Variants in POMT1 observed in about 807,000 individuals in gnomAD.
POMT1 encodes the protein protein O-mannosyl-transferase 1.
Under a neutral mutation model 101.6 loss-of-function variants are expected in POMT1, and 85 were observed. The observed-to-expected ratio is 0.84, with a 90% CI of 0.70 to 1.00. The LOEUF (loss-of-function observed/expected upper bound fraction) is 1.00, where lower values mean the gene tolerates loss of function less well. Among genes scored for constraint, POMT1 ranks in the 50% least tolerant of loss-of-function variants. The pLI is 0.00. For synonymous variants in POMT1, 371 were observed against 383.0 expected (o/e 0.97, Z 0.37); for missense variants, 857 against 930.4 (o/e 0.92, Z 1.03).
chr9:131,506,046 C>T (rs1945731738), intron 2 of POMT1, 68 bp from the exon 3 acceptor site: 1 of 1,598,040 alleles, frequency 6.3e-7, no homozygotes, highest in Non-Finnish European at 8.5e-7. Context: ...ACACATTTAT[C>T]CTCACAGTTT....
At chr9:131,521,962 ACC>A in intron 18 of POMT1, 83 bp from the exon 19 acceptor site, 1 of 1,598,466 alleles carries the variant, frequency 6.3e-7, no homozygotes, top group South Asian at 1.1e-5. Context: ...CATAGTAAGA[ACC>A]CTCTCTCTAA....
Position 131,515,502 on chromosome 9 carries a change from G to A in POMT1, c.1252G>A (p.Ala418Thr), listed in dbSNP as rs142057517. The A allele has an allele frequency of 7.2e-5, 117 of 1,614,092 alleles. No homozygotes were observed. Among genetic ancestry groups the A allele is most frequent in the South Asian group, 3.3e-4 (30 of 91,082 alleles). Residue 418 changes from alanine to threonine, a missense_variant, in exon 13 of 20, where the codon GCC (alanine) becomes ACC (threonine). Transcript: ENST00000402686. ...CYIDYNISMP[A>T]QNLWRLEIVN... is the part of the protein sequence containing the mutation. ...CATTGACTATAACATCTCCATGCCC[G>A]CCCAGAACCTCTGGAGACTGGTGAG... is the stretch of plus-strand genomic sequence containing the variant.
intron 11 of POMT1, among the ~76,000 whole-genome samples, chr9:131,512,904 G>A (rs150536878): frequency 0.012 from 1,765 of 151,872 alleles, 25 homozygotes; most frequent in Non-Finnish European, 0.013. Flanking sequence ...GAGCCACCAC[G>A]CCCGGCCCCC....
In POMT1 at chr9:131,506,632, T is replaced by G. The variant is rs1036070364; in HGVS notation, c.280+179T>G. 6 of 666,758 alleles carry G rather than the reference T, an allele frequency of 9.0e-6. No individual in the cohort carries two copies. The African/African-American group carries it at 1.1e-4, about 12-fold the overall frequency. The allele number at this position is 666,758 out of a possible 1,614,324, so 41.3% of individuals were successfully genotyped here. ...AATTGGTTGGATACAAATGAAAGACTTCTGGAAAGTCTGGTTAAAATCTTA... is the reference window on the plus strand; with the variant it reads ...AATTGGTTGGATACAAATGAAAGACGTCTGGAAAGTCTGGTTAAAATCTTA... On this transcript the variant is annotated intron_variant, in intron 4 of 19. Transcript: ENST00000402686.
chr9:131,509,641 A>G, intron 6 of POMT1, 102 bp from the exon 7 acceptor site: 1 of 1,606,854 alleles, frequency 6.2e-7, no homozygotes, highest in Admixed American at 1.7e-5. Flanking sequence ...CAGCATGGCC[A>G]GCCGACCCAG....
At position 131,509,947 on chromosome 9, in the gene POMT1, T is replaced by G. The variant is rs1364769689; in HGVS notation, c.650T>G (p.Val217Gly). Reference protein sequence around the residue: ...GVFTYVLVLGVAAVHAWHLLG... With the variant: ...GVFTYVLVLGGAAVHAWHLLG... ...TTCACGTACGTGCTCGTGCTGGGTG[T>G]TGCAGCTGTCCATGCCTGGCACCTG... The change falls in exon 8 of 20, where the codon GTT (valine) becomes GGT (glycine). Residue 217 changes from valine to glycine, a missense_variant. Val to Gly is a moderately radical substitution (Grantham distance 109, BLOSUM62 -3). Transcript: ENST00000402686. The G allele has an allele frequency of 6.2e-7, 1 of 1,614,124 alleles. No homozygotes were observed. Among genetic ancestry groups the G allele is most frequent in the Admixed American group, 1.7e-5 (1 of 60,012 alleles).
intron 3 of POMT1, 68 bp downstream of exon 3, chr9:131,506,288 A>G: frequency 1.3e-6 from 2 of 1,578,314 alleles, no homozygotes; most frequent in Non-Finnish European, 1.7e-6. Context: ...TTATCAGTGC[A>G]TTTCTTACAG....
At chr9:131,521,270 TC>T in intron 17 of POMT1, 75 bp from the exon 18 acceptor site, 1 of 1,600,394 alleles carries the variant, frequency 6.2e-7, no homozygotes, top group East Asian at 2.2e-5. Context: ...GCATCTGAAT[TC>T]CTTTCCTGTG....
intron 17 of POMT1, 148 bp downstream of exon 17, chr9:131,520,341 A>C (rs1355930475): frequency 7.8e-6 from 6 of 767,320 alleles, no homozygotes; most frequent in Non-Finnish European, 1.3e-5. Context: ...GTTTTCTCTA[A>C]ACGCTTTGGC....
chr9:131,510,514 C>G, intron 9 of POMT1, 99 bp downstream of exon 9: 1 of 1,424,728 alleles, frequency 7.0e-7, no homozygotes, highest in Non-Finnish European at 9.7e-7. Flanking sequence ...GCACTTGAAT[C>G]AAAACATGAA....
At chr9:131,518,716 A>T (rs1043339062) in intron 14 of POMT1, 121 bp from the exon 15 acceptor site, 83 of 1,532,758 alleles carry the variant, frequency 5.4e-5, no homozygotes, top group Non-Finnish European at 7.2e-5. Flanking sequence ...CCCAATGTGA[A>T]TCTCCCACAA....
chr9:131,513,357 C>T (rs1311770644), intron 12 of POMT1, 26 bp downstream of exon 12: 5 of 1,596,126 alleles, frequency 3.1e-6, no homozygotes, highest in Non-Finnish European at 4.3e-6. Context: ...GTCTGCTCTG[C>T]TGCACCTGTG....
rs767008169 is a variant in POMT1, at chr9:131,504,253, C to T, written c.35C>T (p.Thr12Met). 3 of 1,614,148 alleles carry T rather than the reference C, an allele frequency of 1.9e-6. No individual in the cohort carries two copies. The highest frequency in any genetic ancestry group is 2.5e-6 in the Non-Finnish European group (3 of 1,180,008). ...TTTTTGAAGCGCCCTGTAGTGGTGA[C>T]GGCTGACATCAACTTGAGCCTTGTG... ...WGFLKRPVVVTADINLSLVAL... is the reference protein window; with the variant it reads ...WGFLKRPVVVMADINLSLVAL... The change falls in exon 2 of 20, where the codon ACG becomes ATG. Residue 12 changes from threonine to methionine, a missense_variant. Physicochemically the swap from Thr to Met is moderately conservative, Grantham distance 81 (BLOSUM62 -1). Coordinates refer to ENST00000402686, the MANE Select transcript of POMT1 (RefSeq NM_001077365.2).
In POMT1 at chr9:131,506,234, G is replaced by A. The variant is rs1945785020; in HGVS notation, c.229+14G>A. On this transcript the variant is annotated intron_variant, in intron 3 of 19. Transcript: ENST00000402686. ...TGGCCTTGGGAGGTAGGAGTCATCA[G>A]GAGAGTAGCCCCTACCCTTCAGGAC... 1.9e-6 allele frequency: 3 copies of A among 1,611,500 alleles called. No individual in the cohort carries two copies. Among genetic ancestry groups the A allele is most frequent in the African/African-American group, 2.7e-5 (2 of 74,974 alleles).
chr9:131,510,380 C>T lies in POMT1; in HGVS notation c.820C>T (p.Gln274Ter). The T allele has an allele frequency of 1.2e-6, 2 of 1,614,154 alleles. No individual in the cohort carries two copies. The highest frequency in any genetic ancestry group is 1.7e-6 in the Non-Finnish European group (2 of 1,180,008). The change falls in exon 9 of 20, where the codon CAA becomes TAA. Residue 274 changes from glutamine to a stop codon, truncating the protein, a stop_gained. Coordinates refer to ENST00000402686, the MANE Select transcript of POMT1 (RefSeq NM_001077365.2). LOFTEE classifies it high-confidence loss of function. ...AGTCTTCCGCTCTGGGCCCCACGAC[C>T]AAATCATGTCCAGTGCCTTCCAGGC... is the stretch of plus-strand genomic sequence containing the variant. Reference protein sequence around the residue: ...ILVFRSGPHDQIMSSAFQASL... With the variant: ...ILVFRSGPHD
intron 11 of POMT1, among the ~76,000 whole-genome samples, chr9:131,512,633 A>G (rs1947372523): frequency 6.6e-6 from 1 of 150,674 alleles, no homozygotes; most frequent in Non-Finnish European, 1.5e-5. Context: ...TTTTCGGGGG[A>G]CAGAGTCCCA....
chr9:131,507,571 G>A (rs1416759104), intron 5 of POMT1, 57 bp downstream of exon 5: 2 of 1,609,186 alleles, frequency 1.2e-6, no homozygotes. Context: ...CTGACCCTTT[G>A]GCCCGGAAGA....
intron 2 of POMT1, 113 bp downstream of exon 2, chr9:131,504,453 G>A: frequency 6.5e-7 from 1 of 1,528,792 alleles, no homozygotes; most frequent in South Asian, 1.2e-5. Flanking sequence ...CTTGGTGATA[G>A]GTGTTTTTGG....
At chr9:131,506,277 C>G in intron 3 of POMT1, 57 bp downstream of exon 3, 1 of 1,583,692 alleles carries the variant, frequency 6.3e-7, no homozygotes, top group Non-Finnish European at 8.7e-7. Flanking sequence ...ACATTTAAAA[C>G]TTATCAGTGC....
Sources: gnomAD v4.1 joint callset for allele counts (sites outside exome capture counted in the v4.1 genomes callset) on GRCh38, gnomAD v4.1.1 for gene constraint, MANE v1.5 for transcripts, NCBI Gene and HGNC (gene_info 2026-07-23, HGNC 2026-07-21) for gene names.